The following SLC11A2 variants were observed in gnomAD, a reference collection of about 807,000 sequenced individuals.
SLC11A2 encodes the protein natural resistance-associated macrophage protein 2.
Under a neutral mutation model 68.0 loss-of-function variants are expected in SLC11A2, and 38 were observed. The ratio of observed to expected loss-of-function variants is 0.56; its 90% CI spans 0.43 to 0.73. SLC11A2 has a LOEUF of 0.73. SLC11A2 is among the 30% of genes least tolerant of loss of function. The pLI, the probability that SLC11A2 is intolerant of heterozygous loss-of-function variation, is 0.00. For synonymous variants in SLC11A2, 242 were observed against 250.6 expected (o/e 0.97, Z 0.32); for missense variants, 517 against 690.5 (o/e 0.75, Z 2.82).
intron 1 of SLC11A2, chr12:51,024,865 CCCGAGTCCCA>C (rs1592467268): frequency 6.6e-6 from 1 of 152,200 alleles, no homozygotes; most frequent in East Asian, 1.9e-4. Flanking sequence ...AAATTCCCCT[CCCGAGTCCCA>C]CTGCCATTCC....
At chr12:51,000,182 C>T (rs1051911645) in intron 6 of SLC11A2, 131 bp downstream of exon 6, 1 of 725,740 alleles carries the variant, frequency 1.4e-6, no homozygotes, top group Non-Finnish European at 2.5e-6. Context: ...AAATTGTTTC[C>T]AGAAAGGTTC....
At chr12:50,952,405 C>T in the SLC11A2 span, among the ~76,000 whole-genome samples, 1 of 152,124 alleles carries the variant, frequency 6.6e-6, no homozygotes, top group Non-Finnish European at 1.5e-5. Flanking sequence ...AGGGAAAAAC[C>T]ATGAACGCTA....
At chr12:50,959,302 A>G in the SLC11A2 span, among the ~76,000 whole-genome samples, 7 of 151,644 alleles carry the variant, frequency 4.6e-5, no homozygotes, top group Admixed American at 2.6e-4. Flanking sequence ...TATTTTTAGT[A>G]GAGATGGGGG....
chr12:50,970,587 A>T, the SLC11A2 span: 1 of 806,598 alleles, frequency 1.2e-6, no homozygotes, highest in Non-Finnish European at 2.1e-6. Flanking sequence ...ATATGTAGCA[A>T]ATTTTACTAC....
chr12:50,992,450 G>A, intron 12 of SLC11A2, 111 bp from the exon 13 acceptor site: 1 of 1,014,562 alleles, frequency 9.9e-7, no homozygotes, highest in Non-Finnish European at 1.5e-6. Flanking sequence ...GACAAAAGGG[G>A]CCAGGCGCAG....
Position 50,992,267 on chromosome 12 carries a change from G to A in SLC11A2, c.1270C>T (p.Leu424=), listed in dbSNP as rs1941226871. The change falls in exon 13 of 16, where the codon CTG becomes TTG. Residue 424 remains leucine, a synonymous_variant. Coordinates refer to ENST00000262052, the MANE Select transcript of SLC11A2 (RefSeq NM_000617.3). Reference sequence around the variant, plus strand: ...ACATCTTGGAAGACAGCAACAAGCAGAGTGGGGATGATGGCAATAGAGCGA... The same window carrying A: ...ACATCTTGGAAGACAGCAACAAGCAAAGTGGGGATGATGGCAATAGAGCGA... ...LTRSIAIIPT[L]LVAVFQDVEH... is the part of the protein sequence containing the mutation. The A allele has an allele frequency of 6.2e-7, 1 of 1,613,876 alleles. No homozygotes were observed. Among genetic ancestry groups the A allele is most frequent in the African/African-American group, 1.3e-5 (1 of 74,924 alleles).
rs746056550 is a variant in SLC11A2 at position 50,999,162 on chromosome 12, T to G, written c.675+12A>C. The stretch of plus-strand genomic sequence containing the variant: ...TATTTTAAGAAGCTAATGAATATCC[T>G]GTACCACTTGCCTCATATCCAAATG... On this transcript the variant is annotated intron_variant, in intron 8 of 15. Transcript: ENST00000262052. 1.3e-6 allele frequency: 2 copies of G among 1,597,746 alleles called. No individual in the cohort carries two copies. The highest frequency in any genetic ancestry group is 4.5e-5 in the East Asian group (2 of 44,810).
At chr12:51,000,283 C>G (rs1464103156) in intron 6 of SLC11A2, 30 bp downstream of exon 6, 1 of 1,479,882 alleles carries the variant, frequency 6.8e-7, no homozygotes, top group Admixed American at 1.7e-5. Context: ...CAGCAAAACA[C>G]TGATGACTTT....
At chr12:50,992,055 C>T in intron 13 of SLC11A2, 135 bp downstream of exon 13, 2 of 889,562 alleles carry the variant, frequency 2.2e-6, no homozygotes, top group Non-Finnish European at 3.7e-6. Flanking sequence ...ATTTCATATA[C>T]ATTTACTGCA....
intron 14 of SLC11A2, 84 bp from the exon 15 acceptor site, chr12:50,991,032 C>T: frequency 1.6e-6 from 2 of 1,238,698 alleles, no homozygotes; most frequent in Non-Finnish European, 2.4e-6. Context: ...GAATTAGAGG[C>T]AGTTCAAAAT....
chr12:50,965,287 A>ATTT, the SLC11A2 span, among the ~76,000 whole-genome samples: 6 of 134,566 alleles, frequency 4.5e-5, no homozygotes, highest in Admixed American at 7.6e-5. Flanking sequence ...CTAATTTTTA[A>ATTT]TTTTTTTTTT....
At chr12:50,992,713 C>G in intron 12 of SLC11A2, 97 bp downstream of exon 12, 1 of 1,326,126 alleles carries the variant, frequency 7.5e-7, no homozygotes, top group East Asian at 2.3e-5. Flanking sequence ...ACTTGGGCGA[C>G]GAGTGAGACT....
Position 50,992,187 on chromosome 12 carries a change from C to T in SLC11A2, c.1347+3G>A. Reference sequence around the variant, plus strand: ...GGATGTGTTTCCTCAGCTTCCTCCTCACCTGTAAGCTCTGTAGAACATTCA... The same window carrying T: ...GGATGTGTTTCCTCAGCTTCCTCCTTACCTGTAAGCTCTGTAGAACATTCA... On this transcript the variant is annotated splice_donor_region_variant and intron_variant, in intron 13 of 15. Transcript: ENST00000262052. 1 of 1,613,864 alleles carries T rather than the reference C, an allele frequency of 6.2e-7. No homozygotes were observed. The highest frequency in any genetic ancestry group is 8.5e-7 in the Non-Finnish European group (1 of 1,179,808).
At chr12:50,997,242 CT>C (rs2136224102) in intron 8 of SLC11A2, among the ~76,000 whole-genome samples, 2 of 152,174 alleles carry the variant, frequency 1.3e-5, no homozygotes, top group South Asian at 4.1e-4. Flanking sequence ...TGGCCAAAAT[CT>C]TTTCTTCTGC....
At chr12:50,954,319 T>C in the SLC11A2 span, 77 of 430,032 alleles carry the variant, frequency 1.8e-4, no homozygotes, top group African/African-American at 1.4e-3. Flanking sequence ...ATTTTATCCA[T>C]TTCATTAGAA....
At chr12:50,962,126 C>A in the SLC11A2 span, among the ~76,000 whole-genome samples, 1 of 152,206 alleles carries the variant, frequency 6.6e-6, no homozygotes, top group Non-Finnish European at 1.5e-5. Flanking sequence ...TGGCTTGCAC[C>A]TGTGATCCCA....
the SLC11A2 span, among the ~76,000 whole-genome samples, chr12:50,963,369 CAAAAAAAAAAAAAA>C: frequency 5.5e-5 from 4 of 72,400 alleles, no homozygotes; most frequent in Admixed American, 1.8e-4. Flanking sequence ...GACTCCATCT[CAAAAAAAAAAAAAA>C]AAAAAAAAAA....
chr12:50,953,853 C>A, the SLC11A2 span: 1 of 552,876 alleles, frequency 1.8e-6, no homozygotes, highest in Non-Finnish European at 3.2e-6. Flanking sequence ...GAAGGAAAGA[C>A]AATTGTTTCA....
chr12:50,996,675 G>C (rs1281044451), intron 9 of SLC11A2, 142 bp downstream of exon 9: 1 of 792,678 alleles, frequency 1.3e-6, no homozygotes, highest in Non-Finnish European at 2.2e-6. Flanking sequence ...TAAGTATATG[G>C]AGTTTATAAA....
Sources: allele counts gnomAD v4.1 joint callset (sites outside exome capture counted in the v4.1 genomes callset), GRCh38; gene constraint gnomAD v4.1.1; transcripts MANE v1.5; gene names NCBI Gene and HGNC (gene_info 2026-07-23, HGNC 2026-07-21).